The following CEP112 variants were observed in gnomAD, a reference collection of about 807,000 sequenced individuals.
CEP112 encodes centrosomal protein of 112 kDa.
CEP112 carries 127 observed loss-of-function variants against 153.0 expected under a neutral mutation model. The ratio of observed to expected loss-of-function variants is 0.83; its 90% CI spans 0.72 to 0.96. The LOEUF (loss-of-function observed/expected upper bound fraction) is 0.96, where lower values mean the gene tolerates loss of function less well. Among genes scored for constraint, CEP112 ranks in the 40% least tolerant of loss-of-function variants. CEP112 has a pLI of 0.00. For missense variants in CEP112, 1,089 were observed against 1,101.2 expected (o/e 0.99, Z 0.16); for synonymous variants, 358 against 374.4 (o/e 0.96, Z 0.51).
intron 8 of CEP112, among the ~76,000 whole-genome samples, chr17:66,094,956 G>A (rs983812403): frequency 2.0e-5 from 3 of 152,008 alleles, no homozygotes; most frequent in African/African-American, 4.8e-5. Context: ...GAGATATCAC[G>A]TCACACCTAT....
intron 5 of CEP112, among the ~76,000 whole-genome samples, chr17:66,130,070 C>G (rs1410715744): frequency 1.3e-5 from 2 of 152,008 alleles, no homozygotes; most frequent in African/African-American, 2.4e-5. Context: ...ACATGTCATT[C>G]AGCGCAATGA....
At chr17:65,938,880 C>T (rs1440530635) in intron 18 of CEP112, among the ~76,000 whole-genome samples, 1 of 152,050 alleles carries the variant, frequency 6.6e-6, no homozygotes, top group Non-Finnish European at 1.5e-5. Context: ...GGCAAGATCT[C>T]GGCTCACTGC....
At chr17:66,053,606 T>C (rs976813067) in intron 12 of CEP112, 130 bp downstream of exon 12, 5 of 834,350 alleles carry the variant, frequency 6.0e-6, no homozygotes, top group African/African-American at 5.1e-5. Context: ...CTGTATGGAG[T>C]AGGAAGGTAA....
At position 65,699,501 on chromosome 17, in the gene CEP112, A is replaced by G. The variant is rs531721352; in HGVS notation, c.2608-10283T>C. The stretch of plus-strand genomic sequence containing the variant: ...ACACATCTATCAGTGCCCTTTTTTC[A>G]CGATCTAGAGGGCTGGTCACCACTG... On this transcript the variant is annotated intron_variant, in intron 23 of 26. Coordinates refer to ENST00000535342, the MANE Select transcript of CEP112 (RefSeq NM_001199165.4). Among the ~76,000 whole-genome samples, 4 of 152,006 alleles carry G rather than the reference A, an allele frequency of 2.6e-5. No individual in the cohort carries two copies. The South Asian group carries it at 8.3e-4, about 32-fold the overall frequency.
chr17:65,685,667 A>ATTTTTTTTTTTTTTTTTTTTTT (rs556118592), intron 24 of CEP112, among the ~76,000 whole-genome samples: 1 of 105,318 alleles, frequency 9.5e-6, no homozygotes, highest in African/African-American at 3.8e-5. Flanking sequence ...AATAGTTCTA[A>ATTTTTTTTTTTTTTTTTTTTTT]TTTTTTTTTT....
intron 12 of CEP112, among the ~76,000 whole-genome samples, chr17:66,040,784 C>T (rs922824350): frequency 3.3e-5 from 5 of 152,206 alleles, no homozygotes; most frequent in African/African-American, 1.2e-4. Context: ...GCCACCATGC[C>T]AGCCTCTTTT....
intron 23 of CEP112, among the ~76,000 whole-genome samples, chr17:65,715,612 G>A (rs1211295600): frequency 2.0e-5 from 3 of 152,034 alleles, no homozygotes; most frequent in Non-Finnish European, 2.9e-5. Flanking sequence ...CACCACGCCC[G>A]GCTAATTTTT....
chr17:65,984,940 G>T (rs953743475), intron 17 of CEP112, among the ~76,000 whole-genome samples: 3 of 152,250 alleles, frequency 2.0e-5, no homozygotes, highest in African/African-American at 7.2e-5. Flanking sequence ...AGAAGAAAAT[G>T]TCCTGAGGAA....
At chr17:65,846,877 G>A (rs1204510600) in intron 21 of CEP112, among the ~76,000 whole-genome samples, 1 of 152,148 alleles carries the variant, frequency 6.6e-6, no homozygotes, top group Non-Finnish European at 1.5e-5. Flanking sequence ...CTGTGTGTAA[G>A]GCACCATGCA....
At chr17:65,914,267 T>C (rs1235037812) in intron 19 of CEP112, among the ~76,000 whole-genome samples, 1 of 150,350 alleles carries the variant, frequency 6.7e-6, no homozygotes, top group Non-Finnish European at 1.5e-5. Context: ...CTTAATCTAG[T>C]ATGTTACTGC....
In CEP112 at chr17:66,095,627, T is replaced by C. The variant is rs529567444; in HGVS notation, c.768+624A>G. Among the ~76,000 whole-genome samples the C allele has an allele frequency of 4.6e-5, 7 of 152,314 alleles. No individual in the cohort carries two copies. In the South Asian group the frequency reaches 1.0e-3, roughly 23 times the overall value. On this transcript the variant is annotated intron_variant, in intron 8 of 26. Coordinates refer to ENST00000535342, the MANE Select transcript of CEP112 (RefSeq NM_001199165.4). ...AGTGACTTTAGTTAATAACAATGGATTGTATTTCAAAAATCACTATGAGAG... is the reference window on the plus strand; with the variant it reads ...AGTGACTTTAGTTAATAACAATGGACTGTATTTCAAAAATCACTATGAGAG...
intron 23 of CEP112, among the ~76,000 whole-genome samples, chr17:65,721,527 C>A (rs2049886518): frequency 1.3e-5 from 2 of 152,184 alleles, no homozygotes; most frequent in Non-Finnish European, 2.9e-5. Context: ...AAGAATGCTG[C>A]TGTATTGATC....
Position 65,886,880 on chromosome 17 carries a change from T to C in CEP112, c.2163+15272A>G, listed in dbSNP as rs536982405. Among the ~76,000 whole-genome samples the C allele has an allele frequency of 2.0e-5, 3 of 152,196 alleles. No homozygotes were observed. In the East Asian group the frequency reaches 5.8e-4, roughly 29 times the overall value. ...GGGGAAAAAAATGCAGCTATAACTA[T>C]AATATAACATTAATGCTTACTCAAA... is the stretch of plus-strand genomic sequence containing the variant. On this transcript the variant is annotated intron_variant, in intron 20 of 26. Coordinates refer to ENST00000535342, the MANE Select transcript of CEP112 (RefSeq NM_001199165.4).
intron 10 of CEP112, among the ~76,000 whole-genome samples, chr17:66,065,517 T>C (rs1346253467): frequency 6.6e-6 from 1 of 152,150 alleles, no homozygotes; most frequent in East Asian, 1.9e-4. Context: ...CTCAAAATCC[T>C]TCCCTGGCTC....
intron 23 of CEP112, among the ~76,000 whole-genome samples, chr17:65,736,470 GA>G (rs1178834708): frequency 2.0e-5 from 3 of 152,138 alleles, no homozygotes; most frequent in Admixed American, 2.0e-4. Context: ...GAATGGTGAT[GA>G]AAATTCAAAA....
At chr17:66,125,654 C>T (rs2069811035) in intron 6 of CEP112, among the ~76,000 whole-genome samples, 1 of 151,646 alleles carries the variant, frequency 6.6e-6, no homozygotes, top group Admixed American at 6.6e-5. Flanking sequence ...ACTAATCATA[C>T]CACAAAGTAC....
intron 23 of CEP112, among the ~76,000 whole-genome samples, chr17:65,722,124 C>T (rs1257840748): frequency 1.3e-5 from 2 of 152,180 alleles, no homozygotes; most frequent in Admixed American, 1.3e-4. Context: ...GGATTTGAGA[C>T]TTGGTGTTGC....
At chr17:65,747,080 A>G (rs2051519923) in intron 22 of CEP112, among the ~76,000 whole-genome samples, 1 of 151,874 alleles carries the variant, frequency 6.6e-6, no homozygotes, top group African/African-American at 2.4e-5. Flanking sequence ...AAACAAAAAC[A>G]GGATCCTAAA....
intron 8 of CEP112, among the ~76,000 whole-genome samples, chr17:66,080,547 C>T (rs897037858): frequency 6.6e-6 from 1 of 152,320 alleles, no homozygotes; most frequent in South Asian, 2.1e-4. Context: ...AATAGGGACA[C>T]TTTTACGCTG....
Sources: allele counts gnomAD v4.1 joint callset (sites outside exome capture counted in the v4.1 genomes callset), GRCh38; gene constraint gnomAD v4.1.1; transcripts MANE v1.5; gene names NCBI Gene and HGNC (gene_info 2026-07-23, HGNC 2026-07-21).